PRKCA: variants seen among roughly 807,000 people sequenced by gnomAD.
PRKCA encodes the protein protein kinase C alpha type.
A neutral mutation model predicts 87.0 loss-of-function variants in PRKCA; 27 were observed. The ratio of observed to expected loss-of-function variants is 0.31; its 90% confidence interval spans 0.23 to 0.43. The LOEUF (loss-of-function observed/expected upper bound fraction) is 0.43. PRKCA is among the 20% of genes least tolerant of loss of function. The probability of loss-of-function intolerance (pLI) is 1.00; values close to 1 mark genes in which losing one functional copy is unlikely to be tolerated. For missense variants in PRKCA, 518 were observed against 852.3 expected (o/e 0.61, Z 4.88); for synonymous variants, 329 against 311.1 (o/e 1.06, Z -0.61).
intron 3 of PRKCA, among the ~76,000 whole-genome samples, chr17:66,510,662 CTG>C (rs776361658): frequency 1.6e-4 from 25 of 152,200 alleles, no homozygotes; most frequent in Non-Finnish European, 2.9e-4. Flanking sequence ...AGGACAGAGA[CTG>C]TCTTCAGAAA....
intron 8 of PRKCA, among the ~76,000 whole-genome samples, chr17:66,730,609 A>G (rs1369676582): frequency 2.0e-5 from 3 of 152,210 alleles, no homozygotes; most frequent in Non-Finnish European, 4.4e-5. Context: ...GGAGTTTCCT[A>G]TAGCATGCCA....
intron 2 of PRKCA, among the ~76,000 whole-genome samples, chr17:66,453,939 T>C (rs375407365): frequency 6.6e-6 from 1 of 152,238 alleles, no homozygotes; most frequent in African/African-American, 2.4e-5. Context: ...GTATTTGGGC[T>C]AAATTAATTT....
intron 2 of PRKCA, among the ~76,000 whole-genome samples, chr17:66,477,459 G>A (rs1915581208): frequency 6.6e-6 from 1 of 152,094 alleles, no homozygotes; most frequent in African/African-American, 2.4e-5. Flanking sequence ...CAGCACTTTG[G>A]GAGACTGAGG....
intron 3 of PRKCA, among the ~76,000 whole-genome samples, chr17:66,518,049 A>C (rs1441898917): frequency 6.6e-6 from 1 of 152,160 alleles, no homozygotes; most frequent in Non-Finnish European, 1.5e-5. Flanking sequence ...ACCTCCCAGT[A>C]GCTGAGAGAA....
chr17:66,325,160 A>G (rs1189413128), intron 2 of PRKCA, among the ~76,000 whole-genome samples: 2 of 152,246 alleles, frequency 1.3e-5, no homozygotes, highest in Admixed American at 6.5e-5. Flanking sequence ...ATTTCATCCA[A>G]AGCAAACCAT....
At chr17:66,369,232 A>C (rs974612296) in intron 2 of PRKCA, among the ~76,000 whole-genome samples, 1 of 152,180 alleles carries the variant, frequency 6.6e-6, no homozygotes, top group Non-Finnish European at 1.5e-5. Flanking sequence ...AGAGCCTCCA[A>C]GATTTTGCCT....
chr17:66,502,010 T>C (rs1916754458), intron 3 of PRKCA, among the ~76,000 whole-genome samples: 1 of 152,216 alleles, frequency 6.6e-6, no homozygotes, highest in South Asian at 2.1e-4. Flanking sequence ...TCCAGACTTC[T>C]TCCTCTCACT....
At chr17:66,304,123 A>G (rs959060231) in intron 1 of PRKCA, among the ~76,000 whole-genome samples, 2 of 152,218 alleles carry the variant, frequency 1.3e-5, no homozygotes, top group East Asian at 1.9e-4. Flanking sequence ...GTAATCGCCA[A>G]TGAATTCAGG....
chr17:66,308,828 C>A (rs1490301658), intron 2 of PRKCA, among the ~76,000 whole-genome samples: 3 of 152,128 alleles, frequency 2.0e-5, no homozygotes, highest in Non-Finnish European at 2.9e-5. Flanking sequence ...CAAAATTAAT[C>A]TTTCTATTAA....
chr17:66,507,167 C>T (rs1411542222), intron 3 of PRKCA, among the ~76,000 whole-genome samples: 1 of 152,170 alleles, frequency 6.6e-6, no homozygotes, highest in African/African-American at 2.4e-5. Context: ...AACAACTTAT[C>T]CTTAGTGGGA....
At chr17:66,731,781 T>C (rs867098214) in intron 8 of PRKCA, among the ~76,000 whole-genome samples, 53 of 131,968 alleles carry the variant, frequency 4.0e-4, no homozygotes, top group African/African-American at 1.5e-3. Context: ...CTTTCTTTTT[T>C]TTTTTTTTTT....
intron 3 of PRKCA, among the ~76,000 whole-genome samples, chr17:66,533,697 G>A (rs1443491796): frequency 7.1e-6 from 1 of 140,140 alleles, no homozygotes; most frequent in Non-Finnish European, 1.5e-5. Context: ...TGTCCAGGCT[G>A]CCGCCCCCAC....
At chr17:66,362,489 G>A (rs959559920) in intron 2 of PRKCA, among the ~76,000 whole-genome samples, 1 of 152,272 alleles carries the variant, frequency 6.6e-6, no homozygotes, top group Non-Finnish European at 1.5e-5. Flanking sequence ...AATGTTCAAT[G>A]TTATAATTGC....
intron 3 of PRKCA, among the ~76,000 whole-genome samples, chr17:66,501,284 A>T (rs181358750): frequency 1.3e-5 from 2 of 152,340 alleles, no homozygotes; most frequent in Non-Finnish European, 2.9e-5. Context: ...GAATCTTGGC[A>T]GAGAAAAGGC....
At position 66,778,204 on chromosome 17, in the gene PRKCA, C is replaced by T. The variant is rs149540405; in HGVS notation, c.1605+4137C>T. The T allele has an allele frequency of 6.6e-5, 65 of 985,240 alleles. No homozygotes were observed. In the African/African-American group the frequency reaches 1.0e-3, roughly 16 times the overall value. The allele number at this position is 985,240 out of a possible 1,614,324, so 61.0% of individuals were successfully genotyped here. A position where few individuals can be genotyped will look rare whatever the true frequency, so the allele number is the denominator to read the frequency against. On this transcript the variant is annotated intron_variant, in intron 14 of 16. Coordinates refer to ENST00000413366, the MANE Select transcript of PRKCA (RefSeq NM_002737.3). ...CTGCCTTATATGCATACTTTCAGGTCTCCATCATCTCTATTAAAAACGGTG... is the reference window on the plus strand; with the variant it reads ...CTGCCTTATATGCATACTTTCAGGTTTCCATCATCTCTATTAAAAACGGTG...
chr17:66,644,336 G>A (rs566361956), intron 4 of PRKCA, among the ~76,000 whole-genome samples: 1 of 152,266 alleles, frequency 6.6e-6, no homozygotes, highest in South Asian at 2.1e-4. Context: ...CGGAAAGGAA[G>A]ACTCCACCTT....
chr17:66,640,986 C>T (rs113485068), intron 3 of PRKCA: 9 of 319,822 alleles, frequency 2.8e-5, no homozygotes, highest in African/African-American at 1.8e-4. Flanking sequence ...CATGGTGAAA[C>T]CCCATCTCTA....
intron 2 of PRKCA, among the ~76,000 whole-genome samples, chr17:66,393,293 A>G (rs1415206894): frequency 1.3e-5 from 2 of 152,152 alleles, no homozygotes; most frequent in Non-Finnish European, 2.9e-5. Flanking sequence ...GGCGTGGAAG[A>G]CACATCTTCG....
chr17:66,433,773 G>A (rs1913226534), intron 2 of PRKCA, among the ~76,000 whole-genome samples: 3 of 152,152 alleles, frequency 2.0e-5, no homozygotes, highest in Non-Finnish European at 4.4e-5. Flanking sequence ...TCGAACTCCT[G>A]AGCTCAAATC....
Sources: gnomAD v4.1 joint callset for allele counts (sites outside exome capture counted in the v4.1 genomes callset) on GRCh38, gnomAD v4.1.1 for gene constraint, MANE v1.5 for transcripts, NCBI Gene and HGNC (gene_info 2026-07-23, HGNC 2026-07-21) for gene names.